GALNT13: variants seen among roughly 807,000 people sequenced by gnomAD.
GALNT13 encodes the protein UDP-GalNAc:polypeptide N-acetylgalactosaminyltransferase 13.
Under a neutral mutation model 64.2 loss-of-function variants are expected in GALNT13, and 28 were observed. That is an observed-to-expected ratio of 0.44 (90% CI 0.32 to 0.60). The LOEUF is 0.60. Among genes scored for constraint, GALNT13 ranks in the 20% least tolerant of loss-of-function variants. The pLI, the probability that GALNT13 is intolerant of heterozygous loss-of-function variation, is 0.05. For synonymous variants in GALNT13, 214 were observed against 224.6 expected, an observed-to-expected ratio of 0.95 and a Z score of 0.42; for missense variants, 577 against 669.8, an observed-to-expected ratio of 0.86 and a Z score of 1.53.
At chr2:154,038,422 A>T (rs1422557578) in intron 3 of GALNT13, among the ~76,000 whole-genome samples, 1 of 152,192 alleles carries the variant, frequency 6.6e-6, no homozygotes, top group African/African-American at 2.4e-5. Context: ...ACAGACACAT[A>T]GACCAATAGA....
At chr2:153,385,834 C>T in the GALNT13 span, among the ~76,000 whole-genome samples, 3 of 150,428 alleles carry the variant, frequency 2.0e-5, no homozygotes, top group African/African-American at 7.4e-5. Context: ...TAACTATATA[C>T]ACTACTATGT....
At chr2:153,997,067 T>G (rs1052903615) in intron 3 of GALNT13, among the ~76,000 whole-genome samples, 4 of 152,160 alleles carry the variant, frequency 2.6e-5, no homozygotes, top group African/African-American at 7.2e-5. Context: ...CTGTTTTGGT[T>G]ACTGTGGGTT....
the GALNT13 span, among the ~76,000 whole-genome samples, chr2:153,855,093 G>A: frequency 6.6e-6 from 1 of 152,108 alleles, no homozygotes; most frequent in African/African-American, 2.4e-5. Context: ...AGTTGGAAAT[G>A]TGGAACAGCA....
intron 4 of GALNT13, among the ~76,000 whole-genome samples, chr2:154,160,341 C>G (rs1684660564): frequency 1.3e-5 from 2 of 152,146 alleles, no homozygotes; most frequent in Non-Finnish European, 2.9e-5. Context: ...CTGCTTCAGA[C>G]AGAACACCAC....
At chr2:154,346,044 A>T (rs1317051969) in intron 9 of GALNT13, among the ~76,000 whole-genome samples, 1 of 151,976 alleles carries the variant, frequency 6.6e-6, no homozygotes, top group Non-Finnish European at 1.5e-5. Context: ...CCAGCATCAT[A>T]CAAAGTATAG....
At chr2:153,625,595 C>T in the GALNT13 span, among the ~76,000 whole-genome samples, 2,298 of 152,200 alleles carry the variant, frequency 0.015, 57 homozygotes, top group African/African-American at 0.052. Context: ...AGTCCCTGTT[C>T]TGTTCTGTTC....
chr2:154,370,349 G>GGT (rs1443842004), intron 9 of GALNT13, among the ~76,000 whole-genome samples: 1 of 152,056 alleles, frequency 6.6e-6, no homozygotes, highest in Non-Finnish European at 1.5e-5. Flanking sequence ...AAATTACTCT[G>GGT]GTGGCTATGT....
the GALNT13 span, among the ~76,000 whole-genome samples, chr2:153,524,217 G>A: frequency 6.6e-6 from 1 of 151,786 alleles, no homozygotes; most frequent in Admixed American, 6.6e-5. Flanking sequence ...CTGATATGTT[G>A]TTGAGGATTT....
chr2:154,222,001 GT>G (rs1018598686), intron 4 of GALNT13, among the ~76,000 whole-genome samples: 83 of 152,048 alleles, frequency 5.5e-4, no homozygotes, highest in African/African-American at 2.0e-3. Flanking sequence ...AGCTCTATTT[GT>G]TATATTAGGA....
chr2:153,500,496 C>T, the GALNT13 span, among the ~76,000 whole-genome samples: 1 of 152,256 alleles, frequency 6.6e-6, no homozygotes, highest in East Asian at 1.9e-4. Flanking sequence ...CACATTTAAC[C>T]CCATCACCTG....
At chr2:153,587,738 C>T in the GALNT13 span, among the ~76,000 whole-genome samples, 326 of 152,298 alleles carry the variant, frequency 2.1e-3, 3 homozygotes, top group African/African-American at 7.6e-3. Context: ...TATCTCATGT[C>T]TTCACATTTA....
At chr2:154,375,318 CAG>C (rs766668194) in intron 9 of GALNT13, among the ~76,000 whole-genome samples, 1 of 151,978 alleles carries the variant, frequency 6.6e-6, no homozygotes, top group East Asian at 1.9e-4. Flanking sequence ...AGTAAGAAGA[CAG>C]AGAGGACAGG....
chr2:153,687,139 G>A, the GALNT13 span, among the ~76,000 whole-genome samples: 4,539 of 152,074 alleles, frequency 0.03, 102 homozygotes, highest in Middle Eastern at 0.054. Flanking sequence ...TTTGGTATTA[G>A]GATGATGCTG....
intron 3 of GALNT13, among the ~76,000 whole-genome samples, chr2:154,096,386 A>G (rs868400934): frequency 2.0e-5 from 3 of 152,010 alleles, no homozygotes; most frequent in African/African-American, 7.2e-5. Context: ...GAGGCATTCC[A>G]CCTTTCCAAC....
chr2:154,165,282 C>T (rs1410109148), intron 4 of GALNT13, among the ~76,000 whole-genome samples: 1 of 152,084 alleles, frequency 6.6e-6, no homozygotes. Flanking sequence ...AGACAAAATT[C>T]ATCAATAATT....
chr2:153,613,181 C>G, the GALNT13 span, among the ~76,000 whole-genome samples: 1 of 152,020 alleles, frequency 6.6e-6, no homozygotes, highest in African/African-American at 2.4e-5. Context: ...GACCATACAA[C>G]AGAAGAGGAA....
At chr2:153,459,887 C>T in the GALNT13 span, among the ~76,000 whole-genome samples, 1 of 152,074 alleles carries the variant, frequency 6.6e-6, no homozygotes, top group African/African-American at 2.4e-5. Flanking sequence ...TATCTAATCA[C>T]TAGAAAACTA....
chr2:153,484,469 G>A, the GALNT13 span, among the ~76,000 whole-genome samples: 1 of 151,962 alleles, frequency 6.6e-6, no homozygotes, highest in Non-Finnish European at 1.5e-5. Context: ...ACACTTTTAG[G>A]ATGAGTTTAC....
At chr2:154,020,592 G>T (rs1195172109) in intron 3 of GALNT13, among the ~76,000 whole-genome samples, 1 of 151,920 alleles carries the variant, frequency 6.6e-6, no homozygotes, top group Non-Finnish European at 1.5e-5. Context: ...TGTAGATTCT[G>T]GATATCAGCC....
Sources: allele counts gnomAD v4.1 joint callset (sites outside exome capture counted in the v4.1 genomes callset), GRCh38; gene constraint gnomAD v4.1.1; transcripts MANE v1.5; gene names NCBI Gene and HGNC (gene_info 2026-07-23, HGNC 2026-07-21).